The following CSAD variants were observed in gnomAD, a reference collection of about 807,000 sequenced individuals.
CSAD encodes the protein cysteine sulfinic acid decarboxylase.
Under a neutral mutation model 61.5 loss-of-function variants are expected in CSAD, and 47 were observed. That is an observed-to-expected ratio of 0.76 (90% confidence interval 0.60 to 0.97). The LOEUF (loss-of-function observed/expected upper bound fraction) is 0.97. CSAD is among the 50% of genes least tolerant of loss of function. The pLI is 0.00. For synonymous variants in CSAD, 245 were observed against 252.7 expected (o/e 0.97, Z 0.29); for missense variants, 611 against 643.6 (o/e 0.95, Z 0.55).
chr12:53,162,438 G>C (rs1939395202), intron 10 of CSAD, among the ~76,000 whole-genome samples: 2 of 151,272 alleles, frequency 1.3e-5, no homozygotes, highest in African/African-American at 4.9e-5. Flanking sequence ...CACAGTGGCA[G>C]GCGCCTGTAA....
At chr12:53,178,537 A>G (rs960617292) in intron 2 of CSAD, 1 of 295,116 alleles carries the variant, frequency 3.4e-6, no homozygotes, top group Non-Finnish European at 6.8e-6. Flanking sequence ...CACACCTGGA[A>G]TCCCAGCACT....
chr12:53,176,723 A>G (rs1272896989), intron 2 of CSAD, among the ~76,000 whole-genome samples: 1 of 152,040 alleles, frequency 6.6e-6, no homozygotes, highest in Non-Finnish European at 1.5e-5. Flanking sequence ...CATCTCAAAA[A>G]AAAAAAAAAT....
chr12:53,170,551 G>T, intron 8 of CSAD, 49 bp from the exon 9 acceptor site: 2 of 1,449,804 alleles, frequency 1.4e-6, no homozygotes, highest in Non-Finnish European at 1.9e-6. Flanking sequence ...TGGGGGAGGG[G>T]AGAGAAGGTA....
In CSAD at chr12:53,172,543, T is replaced by G; in HGVS notation, c.232A>C (p.Ile78Leu). Residue 78 changes from isoleucine (I) to leucine (L), a missense_variant, in exon 5 of 17, where the codon ATT becomes CTT. Ile to Leu is a conservative substitution (Grantham distance 5). Transcript: ENST00000444623. The part of the protein sequence containing the change: ...KQILERCRAV[I>L]RYSVKTGHPR... The stretch of plus-strand genomic sequence containing the variant: ...CCACCAGTCTTGACACTGTAGCGAA[T>G]CACAGCCCGACACCGCTCCAGGATC... 6.2e-7 allele frequency: 1 copy of G among 1,614,060 alleles called. No homozygotes were observed. Among genetic ancestry groups the G allele is most frequent in the Non-Finnish European group, 8.5e-7 (1 of 1,179,992 alleles).
At chr12:53,177,954 TAA>T (rs751734048) in intron 2 of CSAD, 49 of 151,242 alleles carry the variant, frequency 3.2e-4, no homozygotes, top group South Asian at 1.3e-3. Flanking sequence ...ACCCATCTCT[TAA>T]AAAAAAAAAA....
At chr12:53,163,235 C>A (rs1939522419) in intron 10 of CSAD, among the ~76,000 whole-genome samples, 1 of 151,776 alleles carries the variant, frequency 6.6e-6, no homozygotes, top group Non-Finnish European at 1.5e-5. Flanking sequence ...GCCCTGTCTC[C>A]AAAAACAAAC....
At chr12:53,172,714 C>A in intron 4 of CSAD, 66 bp from the exon 5 acceptor site, 1 of 1,520,460 alleles carries the variant, frequency 6.6e-7, no homozygotes, top group East Asian at 2.3e-5. Flanking sequence ...AACCACACCT[C>A]CACAGACACG....
chr12:53,179,752 A>G (rs1012830110), intron 1 of CSAD: 5 of 1,588,200 alleles, frequency 3.1e-6, no homozygotes, highest in Admixed American at 1.7e-5. Context: ...TACTTCTCCT[A>G]AAGTCACGAC....
In CSAD at chr12:53,170,488, G is replaced by C. The variant is rs1940430397; in HGVS notation, c.582C>G (p.Ile194Met). Residue 194 changes from isoleucine to methionine, a missense_variant, in exon 9 of 17, where the codon ATC (isoleucine) becomes ATG (methionine). Ile to Met is a conservative substitution (Grantham distance 10). Transcript: ENST00000444623. ...GTCCCAGAAACGCAGCTCCCTTCTG[G>C]ATGGAGTAGTGACACTGTGGGGGAA... ...LFTSKECHYS[I>M]QKGAAFLGLG... 6.2e-7 allele frequency: 1 copy of C among 1,614,084 alleles called. No individual in the cohort carries two copies. Among genetic ancestry groups the C allele is most frequent in the Non-Finnish European group, 8.5e-7 (1 of 1,179,972 alleles).
intron 10 of CSAD, among the ~76,000 whole-genome samples, chr12:53,162,915 G>A (rs1479788557): frequency 1.3e-5 from 2 of 152,026 alleles, no homozygotes; most frequent in African/African-American, 4.8e-5. Context: ...TACAAAATTA[G>A]CCAGGCATGG....
Position 53,171,428 on chromosome 12 carries a change from G to A in CSAD, c.465C>T (p.Ser155=). 1 of 1,613,708 alleles carries A rather than the reference G, an allele frequency of 6.2e-7. No individual in the cohort carries two copies. Among genetic ancestry groups the A allele is most frequent in the Non-Finnish European group, 8.5e-7 (1 of 1,179,970 alleles). The part of the protein sequence containing the change: ...DGIFCPGGSI[S]NMYAVNLARY... ...GGGCCAGATTTACAGCATACATGTT[G>A]GAGATGGAGCCACCTGTCACAGGGA... Residue 155 remains serine (S), a synonymous_variant, in exon 8 of 17, where the codon TCC becomes TCT. Transcript: ENST00000444623.
chr12:53,159,852 T>TG (rs1939047210), intron 15 of CSAD, 35 bp downstream of exon 15: 2 of 1,571,984 alleles, frequency 1.3e-6, no homozygotes, highest in African/African-American at 2.7e-5. Flanking sequence ...AGAGCTAGGC[T>TG]GGGGCAGGGG....
At position 53,161,308 on chromosome 12, in the gene CSAD, C is replaced by T. The variant is rs749398212; in HGVS notation, c.784G>A (p.Val262Met). The part of the protein sequence containing the change: ...AFDPLEAIAD[V>M]CQRHGLWLHV... ...AGCCATAGCCCATGACGCTGGCACACATCAGCAATTGCCTCCAGGGGGTCA... is the reference window on the plus strand; with the variant it reads ...AGCCATAGCCCATGACGCTGGCACATATCAGCAATTGCCTCCAGGGGGTCA... Residue 262 changes from valine to methionine, a missense_variant, in exon 11 of 17, where the codon GTG (valine) becomes ATG (methionine). Coordinates refer to ENST00000444623, the MANE Select transcript of CSAD (RefSeq NM_001244705.2). 6.2e-7 allele frequency: 1 copy of T among 1,614,148 alleles called. No homozygotes were observed. The highest frequency in any genetic ancestry group is 8.5e-7 in the Non-Finnish European group (1 of 1,180,028).
In CSAD at chr12:53,160,362, C is replaced by T. The variant is rs367822308; in HGVS notation, c.967-43G>A. ...GATTGTCAGACCCTACCCTCTCCAC[C>T]GAGGCTTTCCTCCAGGGCTGCACTG... is the stretch of plus-strand genomic sequence containing the variant. On this transcript the variant is annotated intron_variant, in intron 13 of 16. Coordinates refer to ENST00000444623, the MANE Select transcript of CSAD (RefSeq NM_001244705.2). The T allele has an allele frequency of 6.9e-5, 109 of 1,587,622 alleles. 1 individual carries two copies. In the Middle Eastern group the frequency reaches 4.5e-3, roughly 65 times the overall value.
In CSAD at chr12:53,157,763, TG is replaced by T. The variant is rs1275737484; in HGVS notation, c.*747del. The T allele has an allele frequency of 3.3e-5, 5 of 152,288 alleles. No homozygotes were observed. Among genetic ancestry groups the T allele is most frequent in the Admixed American group, 6.5e-5 (1 of 15,298 alleles). 9.4% of individuals were successfully genotyped at this position (152,288 alleles called of 1,614,324 possible). A position where few individuals can be genotyped will look rare whatever the true frequency, so the allele number is the denominator to read the frequency against. On this transcript the variant is annotated 3_prime_UTR_variant, in exon 17 of 17. Coordinates refer to ENST00000444623, the MANE Select transcript of CSAD (RefSeq NM_001244705.2). The stretch of plus-strand genomic sequence containing the variant: ...AGCTCAAAAGATATAAAGAAGTCTA[TG>T]TTTTTTTTGTTTGTTTGTTTTTTTA...
At chr12:53,161,440 C>T in intron 10 of CSAD, 51 bp from the exon 11 acceptor site, 8 of 1,483,142 alleles carry the variant, frequency 5.4e-6, no homozygotes, top group Non-Finnish European at 7.5e-6. Context: ...TCAAAAGCTA[C>T]TCAGAGCCTG....
intron 8 of CSAD, 141 bp downstream of exon 8, chr12:53,171,185 T>G (rs757361531): frequency 1.9e-4 from 244 of 1,291,832 alleles, no homozygotes; most frequent in Non-Finnish European, 2.5e-4. Flanking sequence ...ACCTCCTTGA[T>G]TGGAAGGAAG....
intron 2 of CSAD, among the ~76,000 whole-genome samples, chr12:53,176,692 C>G (rs1941133953): frequency 6.6e-6 from 1 of 151,386 alleles, no homozygotes; most frequent in South Asian, 2.1e-4. Flanking sequence ...GCACTCCAGC[C>G]TGGGTGACAG....
chr12:53,180,146 G>C, intron 1 of CSAD: 1 of 1,257,648 alleles, frequency 8.0e-7, no homozygotes, highest in South Asian at 2.0e-5. Context: ...GCCTCTGCGA[G>C]AATTCAGACT....
Sources: gnomAD v4.1 joint callset for allele counts (sites outside exome capture counted in the v4.1 genomes callset) on GRCh38, gnomAD v4.1.1 for gene constraint, MANE v1.5 for transcripts, NCBI Gene and HGNC (gene_info 2026-07-23, HGNC 2026-07-21) for gene names.